Variants in PCDH11X observed in about 807,000 individuals in gnomAD.
The protein encoded by PCDH11X is protocadherin 11 X-linked, also known as protocadherin-11 X-linked.
Under a neutral mutation model 53.3 loss-of-function variants are expected in PCDH11X, and 18 were observed. The ratio of observed to expected loss-of-function variants is 0.34; its 90% CI spans 0.23 to 0.50. The LOEUF (loss-of-function observed/expected upper bound fraction) is 0.50. Among genes scored for constraint, PCDH11X ranks in the 20% least tolerant of loss-of-function variants. The pLI is 0.98. For synonymous variants in PCDH11X, 279 were observed against 393.3 expected (o/e 0.71, Z 3.44); for missense variants, 570 against 1,032.4 (o/e 0.55, Z 6.14).
At chrX:92,010,890 T>A (rs1189924315) in intron 6 of PCDH11X, among the ~76,000 whole-genome samples, 3 of 110,640 alleles carry the variant, frequency 2.7e-5, no homozygotes, top group Non-Finnish European at 1.9e-5. Flanking sequence ...CTCCCCACTG[T>A]AGTAATACCC....
intron 10 of PCDH11X, among the ~76,000 whole-genome samples, chrX:92,532,996 A>G (rs778090704): frequency 1.7e-3 from 182 of 110,034 alleles, no homozygotes; most frequent in African/African-American, 5.3e-3. Context: ...CCATAATTCA[A>G]TCATCTCCCA....
At chrX:91,867,551 C>T (rs1939054083) in intron 5 of PCDH11X, among the ~76,000 whole-genome samples, 1 of 107,971 alleles carries the variant, frequency 9.3e-6, no homozygotes, top group African/African-American at 3.4e-5. Context: ...TCTGCCTCCC[C>T]CTAAATTAAA....
At chrX:92,371,989 A>G (rs1356098427) in intron 8 of PCDH11X, among the ~76,000 whole-genome samples, 1 of 111,607 alleles carries the variant, frequency 9.0e-6, no homozygotes, top group Non-Finnish European at 1.9e-5. Flanking sequence ...AATATATTAT[A>G]TGTCTATTTT....
chrX:91,825,868 T>G (rs1384930381), intron 4 of PCDH11X, among the ~76,000 whole-genome samples: 4 of 108,109 alleles, frequency 3.7e-5, no homozygotes, highest in Non-Finnish European at 3.8e-5. Flanking sequence ...TTGTTTACAT[T>G]TAAAACTGAT....
chrX:92,264,509 A>G (rs1016048252), intron 8 of PCDH11X, among the ~76,000 whole-genome samples: 5 of 111,343 alleles, frequency 4.5e-5, no homozygotes, highest in African/African-American at 1.6e-4. Context: ...ACATGTATTT[A>G]TATTATATTA....
chrX:92,490,774 G>GGAAA (rs200451883), intron 10 of PCDH11X, among the ~76,000 whole-genome samples: 20,010 of 104,705 alleles, frequency 0.19, 1,940 homozygotes, highest in East Asian at 0.46. Flanking sequence ...AAGAAAGAAA[G>GGAAA]GAAAGAAAGA....
At chrX:91,932,264 TATG>T (rs1366808814) in intron 6 of PCDH11X, among the ~76,000 whole-genome samples, 1 of 110,480 alleles carries the variant, frequency 9.1e-6, no homozygotes, top group Non-Finnish European at 1.9e-5. Context: ...GAACATTGTG[TATG>T]ATTATGTGTA....
intron 6 of PCDH11X, among the ~76,000 whole-genome samples, chrX:92,186,931 C>G (rs1430302077): frequency 9.0e-6 from 1 of 111,618 alleles, no homozygotes; most frequent in Non-Finnish European, 1.9e-5. Context: ...TCACATTGTT[C>G]CCCGTAAGTT....
intron 6 of PCDH11X, among the ~76,000 whole-genome samples, chrX:91,995,055 T>C (rs2062391153): frequency 9.0e-6 from 1 of 111,173 alleles, no homozygotes; most frequent in African/African-American, 3.3e-5. Flanking sequence ...ATATTTTAGA[T>C]ATTAACCCCT....
intron 9 of PCDH11X, among the ~76,000 whole-genome samples, chrX:92,466,754 A>G (rs1174887699): frequency 1.2e-4 from 13 of 109,928 alleles, no homozygotes; most frequent in Non-Finnish European, 2.1e-4. Context: ...TGTACCTTCC[A>G]TACTATTAGA....
intron 10 of PCDH11X, among the ~76,000 whole-genome samples, chrX:92,609,094 G>C (rs1927096297): frequency 9.0e-6 from 1 of 111,419 alleles, no homozygotes; most frequent in African/African-American, 3.3e-5. Flanking sequence ...TTTTATTGCT[G>C]AGTAGTATTT....
At chrX:91,864,610 C>G (rs1244941125) in intron 5 of PCDH11X, among the ~76,000 whole-genome samples, 2 of 97,757 alleles carry the variant, frequency 2.0e-5, no homozygotes, top group Non-Finnish European at 4.1e-5. Context: ...CTATCTCTTT[C>G]TCTACCTCCT....
intron 10 of PCDH11X, 151 bp from the exon 11 acceptor site, chrX:92,618,113 C>G: frequency 1.3e-6 from 1 of 757,224 alleles, no homozygotes. Context: ...GAATTACTGA[C>G]AAATTAAAAA....
At chrX:92,499,527 C>T (rs1434841950) in intron 10 of PCDH11X, among the ~76,000 whole-genome samples, 43 of 81,846 alleles carry the variant, frequency 5.3e-4, no homozygotes, top group African/African-American at 1.4e-3. Flanking sequence ...TGACTGGGTA[C>T]GGTGGCTCAT....
In PCDH11X at chrX:92,029,610, T is replaced by C. The variant is rs921629775; in HGVS notation, c.3033+150337T>C. On this transcript the variant is annotated intron_variant, in intron 6 of 10. Transcript: ENST00000682573. ...CACTTCCTTTAGTTTACCAATATAA[T>C]CCTAGTACAGGTGAGTTGTTGTTTA... Among the ~76,000 whole-genome samples the C allele has an allele frequency of 4.5e-5, 5 of 111,046 alleles. No individual in the cohort carries two copies. In the Admixed American group the frequency reaches 4.8e-4, roughly 11 times the overall value.
In PCDH11X at chrX:92,618,881, C is replaced by T. The variant is rs754533820; in HGVS notation, c.3985C>T (p.Arg1329Cys). The part of the protein sequence containing the change: ...KVIPLTTFTP[R>C]QQARPSRGDS... ...CATTCCTTTGACAACCTTCACTCCACGCCAACAGGCCAGACCGTCCAGAGG... is the reference window on the plus strand; with the variant it reads ...CATTCCTTTGACAACCTTCACTCCATGCCAACAGGCCAGACCGTCCAGAGG... Residue 1329 changes from arginine (R) to cysteine (C), a missense_variant, in exon 11 of 11, where the codon CGC becomes TGC. Around this residue, in one of 6 missense-constraint regions of PCDH11X, gnomAD observed 234 missense variants for 296.1 expected, o/e 0.79. Coordinates refer to ENST00000682573, the MANE Select transcript of PCDH11X (RefSeq NM_032968.5). 1.7e-5 allele frequency: 20 copies of T among 1,210,516 alleles called. No individual in the cohort carries two copies. Among genetic ancestry groups the T allele is most frequent in the Middle Eastern group, 2.3e-4 (1 of 4,349 alleles).
chrX:92,001,073 C>T (rs2147961463), intron 6 of PCDH11X, among the ~76,000 whole-genome samples: 1 of 105,120 alleles, frequency 9.5e-6, no homozygotes, highest in South Asian at 4.4e-4. Flanking sequence ...TACTGATTTC[C>T]TTTCTTTTGG....
intron 7 of PCDH11X, among the ~76,000 whole-genome samples, chrX:92,219,062 T>C (rs1346931760): frequency 1.8e-5 from 2 of 111,189 alleles, no homozygotes; most frequent in Non-Finnish European, 3.8e-5. Context: ...TAATTAGAGC[T>C]ATCTATGACA....
chrX:92,242,202 C>T (rs193067741), intron 7 of PCDH11X, among the ~76,000 whole-genome samples: 5,907 of 110,674 alleles, frequency 0.053, 262 homozygotes, highest in East Asian at 0.22. Flanking sequence ...TTATGCGTAA[C>T]CTCTGACGAC....
Sources: allele counts gnomAD v4.1 joint callset (sites outside exome capture counted in the v4.1 genomes callset), GRCh38; gene constraint gnomAD v4.1.1; regional missense constraint gnomAD v4.1.1; transcripts MANE v1.5; gene names NCBI Gene and HGNC (gene_info 2026-07-23, HGNC 2026-07-21).